Variants in PHEX observed in about 807,000 individuals in gnomAD.
PHEX encodes the protein phosphate regulating endopeptidase X-linked.
Under a neutral mutation model 68.0 loss-of-function variants are expected in PHEX, and 16 were observed. The observed-to-expected ratio is 0.24, with a 90% CI of 0.16 to 0.36. The LOEUF is 0.36. Ranked by LOEUF, PHEX falls within the 10% of genes least tolerant of loss-of-function variation. PHEX has a pLI of 1.00. For synonymous variants in PHEX, 208 were observed against 205.1 expected (o/e 1.01, Z -0.12); for missense variants, 480 against 575.5 (o/e 0.83, Z 1.70).
At chrX:22,226,371 GC>G (rs747340217) in intron 18 of PHEX, 71 bp from the exon 19 acceptor site, 203 of 695,996 alleles carry the variant, frequency 2.9e-4, no homozygotes, top group Non-Finnish European at 4.0e-4. Flanking sequence ...TAATATTGAT[GC>G]CTCTTGCTGA....
intron 14 of PHEX, among the ~76,000 whole-genome samples, chrX:22,183,212 ACT>A (rs1250338259): frequency 1.8e-5 from 2 of 109,710 alleles, no homozygotes; most frequent in African/African-American, 6.7e-5. Context: ...GCTTCTAGAA[ACT>A]CTGAGCCCCT....
intron 5 of PHEX, among the ~76,000 whole-genome samples, chrX:22,088,033 T>C (rs1189008758): frequency 8.9e-6 from 1 of 111,912 alleles, no homozygotes; most frequent in Non-Finnish European, 1.9e-5. Flanking sequence ...CACCCCCAAA[T>C]ACCTCATGTT....
chrX:22,248,239 T>C lies in PHEX; in HGVS notation c.*286T>C. On this transcript the variant is annotated 3_prime_UTR_variant, in exon 22 of 22. Coordinates refer to ENST00000379374, the MANE Select transcript of PHEX (RefSeq NM_000444.6). Reference sequence around the variant, plus strand: ...AATGCTATCTGCTAAATTGTTGCTATTGTCCATTTTAGGGTGTTGGCCACA... The same window carrying C: ...AATGCTATCTGCTAAATTGTTGCTACTGTCCATTTTAGGGTGTTGGCCACA... The C allele has an allele frequency of 3.0e-6, 1 of 338,529 alleles. No homozygotes were observed. Among genetic ancestry groups the C allele is most frequent in the South Asian group, 3.9e-5 (1 of 25,365 alleles). The allele number at this position is 338,529 out of a possible 1,213,427, so 27.9% of individuals were successfully genotyped here.
At chrX:22,139,223 A>C (rs891628957) in intron 12 of PHEX, among the ~76,000 whole-genome samples, 1 of 111,734 alleles carries the variant, frequency 8.9e-6, no homozygotes, top group Non-Finnish European at 1.9e-5. Flanking sequence ...TGCCTGGAGC[A>C]TGAGAAAGGC....
At chrX:22,122,387 A>G (rs970348958) in intron 11 of PHEX, among the ~76,000 whole-genome samples, 9 of 111,420 alleles carry the variant, frequency 8.1e-5, no homozygotes, top group Non-Finnish European at 1.5e-4. Context: ...TGTCCAAATT[A>G]AGGCAAACCA....
chrX:22,121,741 G>T (rs2147073373), intron 11 of PHEX, among the ~76,000 whole-genome samples: 1 of 112,338 alleles, frequency 8.9e-6, no homozygotes, highest in East Asian at 2.8e-4. Flanking sequence ...CTGCACTCTA[G>T]CAGCTATTCT....
At chrX:22,083,808 G>T (rs751416468) in intron 5 of PHEX, among the ~76,000 whole-genome samples, 1 of 111,959 alleles carries the variant, frequency 8.9e-6, no homozygotes, top group East Asian at 2.8e-4. Flanking sequence ...TTCCTTTCCA[G>T]TTTGGATGCC....
chrX:22,115,136 T>C, intron 11 of PHEX, among the ~76,000 whole-genome samples: 1 of 111,362 alleles, frequency 9.0e-6, no homozygotes, highest in East Asian at 2.8e-4. Context: ...GAGGCCAGCC[T>C]GGCCAACATG....
chrX:22,189,748 C>T (rs947264700), intron 14 of PHEX, among the ~76,000 whole-genome samples: 2 of 112,373 alleles, frequency 1.8e-5, no homozygotes, highest in Non-Finnish European at 3.7e-5. Context: ...AATTTGCTGA[C>T]TGCTGATCCC....
intron 14 of PHEX, among the ~76,000 whole-genome samples, chrX:22,182,903 C>A (rs1490832685): frequency 8.9e-6 from 1 of 111,881 alleles, no homozygotes; most frequent in Admixed American, 9.5e-5. Flanking sequence ...CAAGTTCTAG[C>A]AGTTTTTAAA....
chrX:22,133,288 T>G (rs539623548), intron 11 of PHEX, among the ~76,000 whole-genome samples: 21 of 112,229 alleles, frequency 1.9e-4, no homozygotes, highest in African/African-American at 6.8e-4. Flanking sequence ...CCCAAATTGT[T>G]GGGATTACAG....
chrX:22,140,073 A>G (rs5951506), intron 12 of PHEX, among the ~76,000 whole-genome samples: 10,028 of 111,150 alleles, frequency 0.09, 561 homozygotes, highest in African/African-American at 0.21. Flanking sequence ...TGCATTTCTG[A>G]CAAGTTCTCA....
intron 15 of PHEX, among the ~76,000 whole-genome samples, chrX:22,206,982 A>G (rs182934217): frequency 3.1e-4 from 35 of 112,161 alleles, no homozygotes; most frequent in African/African-American, 1.1e-3. Context: ...TAAAAGTCAA[A>G]TAGTTGAGCC....
At chrX:22,086,476 C>T (rs753747911) in intron 5 of PHEX, among the ~76,000 whole-genome samples, 7 of 111,924 alleles carry the variant, frequency 6.3e-5, no homozygotes, top group African/African-American at 1.9e-4. Context: ...AACTATGAGT[C>T]AGGGAAAATT....
Position 22,250,560 on chromosome X carries a change from T to A in PHEX, c.*2607T>A, listed in dbSNP as rs138443284. 5 of 111,555 alleles carry A rather than the reference T, an allele frequency of 4.5e-5. No individual in the cohort carries two copies. The East Asian group carries it at 1.4e-3, about 31-fold the overall frequency. 9.2% of individuals were successfully genotyped at this position (111,555 alleles called of 1,213,427 possible). A position where few individuals can be genotyped will look rare whatever the true frequency, so the allele number is the denominator to read the frequency against. On this transcript the variant is annotated 3_prime_UTR_variant, in exon 22 of 22. Transcript: ENST00000379374. ...ACTGTTGTCTGGGCATTGGAAGGAG[T>A]TAGGTTTTTTGTGTTTGTGAAAATC...
chrX:22,091,001 A>G (rs1929857366), intron 6 of PHEX, among the ~76,000 whole-genome samples: 1 of 111,919 alleles, frequency 8.9e-6, no homozygotes, highest in South Asian at 3.7e-4. Flanking sequence ...TGGAGGTTTA[A>G]TAAGAATCAG....
chrX:22,244,652 A>G (rs1339560011), intron 20 of PHEX, among the ~76,000 whole-genome samples: 2 of 111,459 alleles, frequency 1.8e-5, no homozygotes, highest in Non-Finnish European at 3.8e-5. Context: ...ATATCTTGGC[A>G]TGTGCTTCTG....
At chrX:22,108,631 G>T (rs1176681801) in intron 9 of PHEX, among the ~76,000 whole-genome samples, 2 of 111,869 alleles carry the variant, frequency 1.8e-5, no homozygotes, top group African/African-American at 3.3e-5. Context: ...TCACTGGCTT[G>T]TTTTCATTCA....
intron 12 of PHEX, among the ~76,000 whole-genome samples, chrX:22,143,761 C>T (rs369023788): frequency 4.5e-5 from 5 of 112,298 alleles, no homozygotes; most frequent in African/African-American, 1.6e-4. Context: ...TAATTGGCGT[C>T]CCCATTGATA....
Sources: allele counts gnomAD v4.1 joint callset (sites outside exome capture counted in the v4.1 genomes callset), GRCh38; gene constraint gnomAD v4.1.1; transcripts MANE v1.5; gene names NCBI Gene and HGNC (gene_info 2026-07-23, HGNC 2026-07-21).